NBEA: variants seen among roughly 807,000 people sequenced by gnomAD.
NBEA encodes neurobeachin.
In NBEA, 44 loss-of-function variants were observed where a neutral mutation model predicts 343.4. The ratio of observed to expected loss-of-function variants is 0.13; its 90% confidence interval spans 0.10 to 0.16. The LOEUF (loss-of-function observed/expected upper bound fraction) is 0.16. NBEA is among the 10% of genes least tolerant of loss of function. NBEA has a pLI of 1.00. For missense variants in NBEA, 2,555 were observed against 3,631.3 expected, an observed-to-expected ratio of 0.70 and a Z score of 7.62; for synonymous variants, 1,175 against 1,238.7, an observed-to-expected ratio of 0.95 and a Z score of 1.08.
intron 35 of NBEA, among the ~76,000 whole-genome samples, chr13:35,305,857 A>G (rs2036856370): frequency 6.6e-6 from 1 of 152,164 alleles, no homozygotes; most frequent in African/African-American, 2.4e-5. Flanking sequence ...ATAAATTTTT[A>G]TGCATGTGTG....
At chr13:35,474,229 C>T (rs1489982729) in intron 41 of NBEA, 1 of 152,478 alleles carries the variant, frequency 6.6e-6, no homozygotes, top group Non-Finnish European at 1.5e-5. Context: ...TTATTACCAT[C>T]TAATTAAATA....
chr13:35,389,022 T>C lies in NBEA; in HGVS notation c.6179+36699T>C, dbSNP rs4377032. On this transcript the variant is annotated intron_variant, in intron 38 of 58. Transcript: ENST00000379939. ...TTGAAAAGTCTGGCGGGTTTCTTTT[T>C]TTTTTTTTTTCTTTTGGTAAACAAT... 2.6e-3 allele frequency among the ~76,000 whole-genome samples: 390 copies of C among 151,996 alleles called. 2 individuals carry two copies. Among genetic ancestry groups the C allele is most frequent in the African/African-American group, 9.1e-3 (376 of 41,532 alleles).
chr13:35,276,150 G>C (rs954566032), intron 34 of NBEA, among the ~76,000 whole-genome samples: 1 of 152,094 alleles, frequency 6.6e-6, no homozygotes, highest in Non-Finnish European at 1.5e-5. Context: ...TTGATATGGT[G>C]ATTAGAAGAC....
intron 38 of NBEA, among the ~76,000 whole-genome samples, chr13:35,392,562 C>A (rs1297202242): frequency 6.7e-6 from 1 of 150,102 alleles, no homozygotes; most frequent in African/African-American, 2.4e-5. Flanking sequence ...TATTTGATTA[C>A]AGAGTAGTAA....
At chr13:34,996,485 T>C (rs1187924547) in intron 1 of NBEA, among the ~76,000 whole-genome samples, 1 of 152,086 alleles carries the variant, frequency 6.6e-6, no homozygotes, top group Non-Finnish European at 1.5e-5. Flanking sequence ...TGTGTGTATA[T>C]ATATAATTGT....
chr13:35,631,451 A>G lies in NBEA; in HGVS notation c.7617+3203A>G, dbSNP rs1023979896. 2.6e-5 allele frequency among the ~76,000 whole-genome samples: 4 copies of G among 152,144 alleles called. No individual in the cohort carries two copies. The East Asian group carries it at 7.7e-4, about 29-fold the overall frequency. On this transcript the variant is annotated intron_variant, in intron 49 of 58. Transcript: ENST00000379939. ...GAGCTCAATACATTTATTTTATTTGATAATGTTTATCTTAGTATTTTTAAA... is the reference window on the plus strand; with the variant it reads ...GAGCTCAATACATTTATTTTATTTGGTAATGTTTATCTTAGTATTTTTAAA...
chr13:35,478,859 C>G (rs1023239435), intron 41 of NBEA, among the ~76,000 whole-genome samples: 2 of 152,210 alleles, frequency 1.3e-5, no homozygotes, highest in African/African-American at 4.8e-5. Flanking sequence ...GTGAGACAGC[C>G]GAGGACGGGG....
At chr13:35,458,354 C>T (rs374275196) in intron 40 of NBEA, among the ~76,000 whole-genome samples, 3 of 152,130 alleles carry the variant, frequency 2.0e-5, no homozygotes, top group Admixed American at 6.5e-5. Flanking sequence ...TAGACTAGAT[C>T]GCTTAAAGAC....
chr13:35,647,978 C>A (rs972578673), intron 51 of NBEA, among the ~76,000 whole-genome samples: 1 of 152,000 alleles, frequency 6.6e-6, no homozygotes, highest in Non-Finnish European at 1.5e-5. Context: ...TAGGCTCACA[C>A]GATCTTTCTT....
chr13:35,506,045 T>A, intron 41 of NBEA, among the ~76,000 whole-genome samples: 1 of 152,202 alleles, frequency 6.6e-6, no homozygotes, highest in Admixed American at 6.5e-5. Context: ...TATTTCCAAC[T>A]TCATCTATTA....
chr13:35,639,541 AT>A (rs1173172924), intron 49 of NBEA, among the ~76,000 whole-genome samples: 3 of 151,980 alleles, frequency 2.0e-5, no homozygotes, highest in Non-Finnish European at 4.4e-5. Flanking sequence ...GTATTTTTTT[AT>A]TTTGTGTCAA....
intron 34 of NBEA, among the ~76,000 whole-genome samples, chr13:35,283,593 A>G (rs59242143): frequency 0.074 from 11,223 of 152,274 alleles, 458 homozygotes; most frequent in South Asian, 0.12. Context: ...GATGCATTTT[A>G]CAATTCAAAT....
chr13:35,197,316 A>T (rs1180395690), intron 31 of NBEA, among the ~76,000 whole-genome samples: 1 of 152,160 alleles, frequency 6.6e-6, no homozygotes, highest in Non-Finnish European at 1.5e-5. Flanking sequence ...TTGACAAGCA[A>T]GTGTTTTTTT....
chr13:35,578,660 G>C (rs1322880242), intron 45 of NBEA, among the ~76,000 whole-genome samples: 1 of 152,120 alleles, frequency 6.6e-6, no homozygotes, highest in Non-Finnish European at 1.5e-5. Context: ...TCTAGAAAAT[G>C]GATGTGAAGA....
chr13:35,431,293 A>G (rs1339879620), intron 38 of NBEA, among the ~76,000 whole-genome samples: 2 of 152,074 alleles, frequency 1.3e-5, no homozygotes, highest in African/African-American at 2.4e-5. Context: ...CTAGGAAAGT[A>G]TTTTATATGT....
Position 35,182,487 on chromosome 13 carries a change from G to T in NBEA, c.4790G>T (p.Gly1597Val), listed in dbSNP as rs1363126458. ...ACTACAAGAACTGGAAGCCAACCAG[G>T]TAGAAACATCAGGCAAGAAATAAAT... is the stretch of plus-strand genomic sequence containing the variant. Reference protein sequence around the residue: ...RETTRTGSQPGRNIRQEINSP... With the variant: ...RETTRTGSQPVRNIRQEINSP... Residue 1597 changes from glycine to valine, a missense_variant, in exon 29 of 59, where the codon GGT becomes GTT. This residue lies in a region of NBEA where 270 missense variants were observed against 293.3 expected (regional missense o/e 0.92). Coordinates refer to ENST00000379939, the MANE Select transcript of NBEA (RefSeq NM_001385012.1). 3.7e-6 allele frequency: 6 copies of T among 1,609,952 alleles called. No individual in the cohort carries two copies. The highest frequency in any genetic ancestry group is 5.1e-6 in the Non-Finnish European group (6 of 1,177,450).
intron 43 of NBEA, 65 bp downstream of exon 43, chr13:35,551,097 A>C: frequency 1.1e-6 from 1 of 929,736 alleles, no homozygotes; most frequent in Non-Finnish European, 1.6e-6. Context: ...ATATTACAGC[A>C]ATGTAAATGT....
intron 35 of NBEA, among the ~76,000 whole-genome samples, chr13:35,295,562 G>A (rs1952484720): frequency 6.6e-6 from 1 of 151,976 alleles, no homozygotes; most frequent in Middle Eastern, 3.2e-3. Flanking sequence ...TAAACAGGAA[G>A]GTGAAAATAC....
In NBEA at chr13:35,159,539, A is replaced by G; in HGVS notation, c.3368A>G (p.Glu1123Gly). 6.2e-7 allele frequency: 1 copy of G among 1,612,882 alleles called. No homozygotes were observed. The highest frequency in any genetic ancestry group is 8.5e-7 in the Non-Finnish European group (1 of 1,179,584). ...GTTGGTATCATTAAAAAAAATGAAG[A>G]AAAGGATAATGGTCCATTGATAACA... Reference protein sequence around the residue: ...GSVGIIKKNEEKDNGPLITLA... With the variant: ...GSVGIIKKNEGKDNGPLITLA... Residue 1123 changes from glutamate (E) to glycine (G), a missense_variant, in exon 22 of 59, where the codon GAA becomes GGA. This residue lies in a region of NBEA where 367 missense variants were observed against 377.5 expected (regional missense o/e 0.97). Transcript: ENST00000379939.
Sources: gnomAD v4.1 joint callset for allele counts (sites outside exome capture counted in the v4.1 genomes callset) on GRCh38, gnomAD v4.1.1 for gene constraint, gnomAD v4.1.1 regional missense constraint, MANE v1.5 for transcripts, NCBI Gene and HGNC (gene_info 2026-07-23, HGNC 2026-07-21) for gene names.